RABGAP1L: variants seen among roughly 807,000 people sequenced by gnomAD.
RABGAP1L encodes RAB GTPase activating protein 1 like.
Under a neutral mutation model 137.7 loss-of-function variants are expected in RABGAP1L, and 63 were observed. That is an observed-to-expected ratio of 0.46 (90% confidence interval 0.37 to 0.56). RABGAP1L has a LOEUF of 0.56. Among genes scored for constraint, RABGAP1L ranks in the 20% least tolerant of loss-of-function variants. RABGAP1L has a pLI of 0.00. For missense variants in RABGAP1L, 1,095 were observed against 1,244.0 expected, an observed-to-expected ratio of 0.88 and a Z score of 1.80; for synonymous variants, 431 against 433.7, an observed-to-expected ratio of 0.99 and a Z score of 0.08.
intron 12 of RABGAP1L, among the ~76,000 whole-genome samples, chr1:174,376,913 C>G (rs1685596024): frequency 6.6e-6 from 1 of 152,098 alleles, no homozygotes; most frequent in Non-Finnish European, 1.5e-5. Flanking sequence ...ATAACACTGT[C>G]TCTATTTGCA....
chr1:174,421,168 G>A (rs1418641177), intron 13 of RABGAP1L, among the ~76,000 whole-genome samples: 2 of 152,148 alleles, frequency 1.3e-5, no homozygotes, highest in African/African-American at 4.8e-5. Context: ...AAACTGAGAT[G>A]ACACTTCATA....
intron 13 of RABGAP1L, among the ~76,000 whole-genome samples, chr1:174,395,406 G>C (rs915139749): frequency 6.6e-6 from 1 of 150,644 alleles, no homozygotes; most frequent in Non-Finnish European, 1.5e-5. Flanking sequence ...AATTTAATAT[G>C]TTCCTTCAGG....
chr1:174,171,720 TC>T (rs1391228971), intron 1 of RABGAP1L, among the ~76,000 whole-genome samples: 3 of 150,656 alleles, frequency 2.0e-5, no homozygotes, highest in African/African-American at 7.3e-5. Flanking sequence ...AAAAAGGATT[TC>T]GCTGGGTGTG....
intron 17 of RABGAP1L, among the ~76,000 whole-genome samples, chr1:174,711,311 TC>T (rs1680491577): frequency 6.6e-6 from 1 of 151,978 alleles, no homozygotes; most frequent in African/African-American, 2.4e-5. Flanking sequence ...GCTGAAGGGC[TC>T]CTCAAGTGCC....
intron 20 of RABGAP1L, chr1:174,964,688 A>G (rs1173491764): frequency 1.3e-6 from 1 of 769,194 alleles, no homozygotes; most frequent in Admixed American, 4.4e-5. Context: ...CATTCATGCA[A>G]ACTGTAAACA....
intron 10 of RABGAP1L, among the ~76,000 whole-genome samples, chr1:174,284,708 T>A (rs1675899753): frequency 6.6e-6 from 1 of 151,520 alleles, no homozygotes; most frequent in Non-Finnish European, 1.5e-5. Context: ...AGGGTTCTGT[T>A]CTCACCAACA....
rs1220607884 is a variant in RABGAP1L, at chr1:174,566,849, A to C, written c.1711-70526A>C. On this transcript the variant is annotated intron_variant, in intron 13 of 25. Coordinates refer to ENST00000681986, the MANE Select transcript of RABGAP1L (RefSeq NM_001366446.1). ...TGATAGTTTTCATTTGCTATTGGCC[A>C]CAGGTTTGAAAAGAGTATGAAACAA... 2.0e-5 allele frequency among the ~76,000 whole-genome samples: 3 copies of C among 152,142 alleles called. No individual in the cohort carries two copies. In the East Asian group the frequency reaches 5.8e-4, roughly 29 times the overall value.
chr1:174,782,897 G>T (rs1231249417), intron 18 of RABGAP1L, among the ~76,000 whole-genome samples: 1 of 152,212 alleles, frequency 6.6e-6, no homozygotes, highest in African/African-American at 2.4e-5. Flanking sequence ...AGAGCACAGG[G>T]TGAGGGACAA....
In RABGAP1L at chr1:174,428,442, T is replaced by C. The variant is rs573174399; in HGVS notation, c.1710+34297T>C. 2.0e-5 allele frequency among the ~76,000 whole-genome samples: 3 copies of C among 152,346 alleles called. 1 individual carries two copies. Among genetic ancestry groups the C allele is most frequent in the East Asian group, 1.9e-4 (1 of 5,196 alleles). On this transcript the variant is annotated intron_variant, in intron 13 of 25. Coordinates refer to ENST00000681986, the MANE Select transcript of RABGAP1L (RefSeq NM_001366446.1). ...TAAATGAGAATCTTATTATTAACTT[T>C]ATTCTCTCTAACCCTTTATCTCTTC... is the stretch of plus-strand genomic sequence containing the variant.
At chr1:174,670,231 A>G (rs1004341477) in intron 14 of RABGAP1L, among the ~76,000 whole-genome samples, 2 of 151,914 alleles carry the variant, frequency 1.3e-5, no homozygotes, top group South Asian at 2.1e-4. Flanking sequence ...TTTTATAGCT[A>G]CTTTATTTTT....
At chr1:174,881,492 C>CTTTTTT (rs751296977) in intron 19 of RABGAP1L, among the ~76,000 whole-genome samples, 27 of 85,810 alleles carry the variant, frequency 3.1e-4, no homozygotes, top group Admixed American at 6.5e-4. Flanking sequence ...ATATCATTTG[C>CTTTTTT]TTTTTTTTTT....
chr1:174,800,215 A>G (rs1688628655), intron 18 of RABGAP1L: 1 of 1,412,492 alleles, frequency 7.1e-7, no homozygotes, highest in Admixed American at 3.1e-5. Context: ...AATTCCCACC[A>G]CAGACTGGCT....
At chr1:174,487,827 G>A (rs1412423239) in intron 13 of RABGAP1L, among the ~76,000 whole-genome samples, 1 of 152,056 alleles carries the variant, frequency 6.6e-6, no homozygotes, top group Non-Finnish European at 1.5e-5. Flanking sequence ...AGACTTGCAA[G>A]TAATATCTTA....
chr1:174,835,019 G>A (rs1692594113), intron 19 of RABGAP1L, among the ~76,000 whole-genome samples: 1 of 152,100 alleles, frequency 6.6e-6, no homozygotes, highest in Non-Finnish European at 1.5e-5. Flanking sequence ...CAGGTGAGAG[G>A]GAGATATGAC....
At chr1:174,646,060 T>G (rs1674944712) in intron 14 of RABGAP1L, among the ~76,000 whole-genome samples, 2 of 152,078 alleles carry the variant, frequency 1.3e-5, no homozygotes, top group African/African-American at 4.8e-5. Context: ...GGGTTGTTTG[T>G]TTTTTTCTTG....
intron 14 of RABGAP1L, among the ~76,000 whole-genome samples, chr1:174,639,649 TG>T (rs1470557461): frequency 6.6e-6 from 1 of 152,110 alleles, no homozygotes; most frequent in Non-Finnish European, 1.5e-5. Context: ...CTAAAACAGA[TG>T]GTTCTAATGT....
chr1:174,678,657 G>A (rs543400562), intron 14 of RABGAP1L, among the ~76,000 whole-genome samples: 71 of 152,230 alleles, frequency 4.7e-4, no homozygotes, highest in African/African-American at 1.7e-3. Flanking sequence ...AGATGGTGGC[G>A]GGCTGCTTCC....
chr1:174,396,289 T>C (rs1436639885), intron 13 of RABGAP1L, among the ~76,000 whole-genome samples: 2 of 152,092 alleles, frequency 1.3e-5, no homozygotes, highest in East Asian at 1.9e-4. Context: ...AACCACTGAA[T>C]TGTACACTTC....
rs191287769 is a variant in RABGAP1L, at chr1:174,552,881, G to A, written c.1711-84494G>A. Reference sequence around the variant, plus strand: ...TTCGTTTGTCTCCATAACCTCACCAGCATCTGTTATTTTTTGACTTTTTAA... The same window carrying A: ...TTCGTTTGTCTCCATAACCTCACCAACATCTGTTATTTTTTGACTTTTTAA... On this transcript the variant is annotated intron_variant, in intron 13 of 25. Coordinates refer to ENST00000681986, the MANE Select transcript of RABGAP1L (RefSeq NM_001366446.1). Among the ~76,000 whole-genome samples, 4 of 152,206 alleles carry A rather than the reference G, an allele frequency of 2.6e-5. 1 individual carries two copies. Among genetic ancestry groups the A allele is most frequent in the Admixed American group, 2.0e-4 (3 of 15,294 alleles).
Sources: allele counts gnomAD v4.1 joint callset (sites outside exome capture counted in the v4.1 genomes callset), GRCh38; gene constraint gnomAD v4.1.1; transcripts MANE v1.5; gene names NCBI Gene and HGNC (gene_info 2026-07-23, HGNC 2026-07-21).